NVL: variants seen among roughly 807,000 people sequenced by gnomAD.
NVL encodes the protein nuclear VCP like, also known as nuclear valosin-containing protein-like.
A neutral mutation model predicts 110.2 loss-of-function variants in NVL; 84 were observed. The ratio of observed to expected loss-of-function variants is 0.76; its 90% CI spans 0.64 to 0.91. The LOEUF (loss-of-function observed/expected upper bound fraction) is 0.91, where lower values mean the gene tolerates loss of function less well. NVL is among the 40% of genes least tolerant of loss of function. The pLI is 0.00. For synonymous variants in NVL, 354 were observed against 361.1 expected, an observed-to-expected ratio of 0.98 and a Z score of 0.22; for missense variants, 882 against 1,035.9, an observed-to-expected ratio of 0.85 and a Z score of 2.04.
chr1:224,236,635 G>T, intron 19 of NVL, 53 bp from the exon 20 acceptor site: 1 of 1,429,470 alleles, frequency 7.0e-7, no homozygotes, highest in Non-Finnish European at 9.9e-7. Flanking sequence ...ACCATGCCGG[G>T]TGCGATGGCT....
At chr1:224,310,015 C>G (rs990260895) in intron 5 of NVL, among the ~76,000 whole-genome samples, 1 of 151,658 alleles carries the variant, frequency 6.6e-6, no homozygotes, top group African/African-American at 2.4e-5. Context: ...GGTGACAGAG[C>G]GAGACCCTGC....
chr1:224,303,888 C>T, intron 8 of NVL, 31 bp from the exon 9 acceptor site: 4 of 1,571,794 alleles, frequency 2.5e-6, no homozygotes, highest in Non-Finnish European at 2.6e-6. Flanking sequence ...AGATGTCTTT[C>T]AAGACAGAAC....
At chr1:224,313,329 A>G (rs932188469) in intron 4 of NVL, among the ~76,000 whole-genome samples, 1 of 152,002 alleles carries the variant, frequency 6.6e-6, no homozygotes, top group African/African-American at 2.4e-5. Flanking sequence ...AAAAATTCCA[A>G]GTGGATTAAA....
chr1:224,303,422 G>C (rs1436084953), intron 9 of NVL, among the ~76,000 whole-genome samples: 1 of 149,474 alleles, frequency 6.7e-6, no homozygotes, highest in East Asian at 2.0e-4. Flanking sequence ...GTGACAGAGT[G>C]AGACTCTGTC....
intron 16 of NVL, among the ~76,000 whole-genome samples, chr1:224,278,423 G>C (rs1052615100): frequency 6.6e-6 from 1 of 151,550 alleles, no homozygotes; most frequent in South Asian, 2.1e-4. Context: ...TTACAATGGG[G>C]TTTCACCACA....
At chr1:224,240,020 C>CGAGT (rs1164590470) in intron 19 of NVL, among the ~76,000 whole-genome samples, 1 of 150,954 alleles carries the variant, frequency 6.6e-6, no homozygotes, top group Non-Finnish European at 1.5e-5. Flanking sequence ...GCCTCAGCCC[C>CGAGT]GAGTAGCTGG....
Position 224,275,453 on chromosome 1 carries a change from A to G in NVL, c.1968T>C (p.Val656=). ...GTCGCACAGCACGTTCACTCTCACC[A>G]ACATACTAAACATACACAGAAAGGA... ...VKGPELLNMY[V]GESERAVRQV... is the part of the protein sequence containing the mutation. Residue 656 remains valine, a synonymous_variant, in exon 17 of 23, where the codon GTT becomes GTC. Transcript: ENST00000281701. 2 of 1,614,154 alleles carry G rather than the reference A, an allele frequency of 1.2e-6. No homozygotes were observed. The highest frequency in any genetic ancestry group is 1.1e-5 in the South Asian group (1 of 91,084).
intron 19 of NVL, among the ~76,000 whole-genome samples, chr1:224,244,668 C>T (rs886726705): frequency 2.8e-5 from 4 of 143,388 alleles, no homozygotes; most frequent in Non-Finnish European, 4.5e-5. Context: ...GATGGGGTTT[C>T]GCCATGTTGG....
intron 15 of NVL, among the ~76,000 whole-genome samples, chr1:224,282,355 T>A (rs1431489828): frequency 6.6e-6 from 1 of 152,202 alleles, no homozygotes; most frequent in Non-Finnish European, 1.5e-5. Flanking sequence ...TATGTGAACA[T>A]TTGTTTACAT....
intron 18 of NVL, among the ~76,000 whole-genome samples, chr1:224,255,458 C>G (rs1663109689): frequency 6.6e-6 from 1 of 152,126 alleles, no homozygotes; most frequent in Non-Finnish European, 1.5e-5. Flanking sequence ...TCCCAAAGTG[C>G]TGGGATTACA....
At chr1:224,287,699 G>T in intron 14 of NVL, 76 bp downstream of exon 14, 1 of 1,236,302 alleles carries the variant, frequency 8.1e-7, no homozygotes. Context: ...ACAGAACCTA[G>T]TACACATGCA....
Position 224,248,387 on chromosome 1 carries a change from T to C in NVL, c.2289+1825A>G, listed in dbSNP as rs539226916. 3.3e-5 allele frequency among the ~76,000 whole-genome samples: 5 copies of C among 152,336 alleles called. No individual in the cohort carries two copies. The East Asian group carries it at 9.7e-4, about 29-fold the overall frequency. ...ATGCTTAATTTCATAACTTTTACTT[T>C]ACTGGCTTCCAAGCTATTTTCCATA... is the stretch of plus-strand genomic sequence containing the variant. On this transcript the variant is annotated intron_variant, in intron 19 of 22. Coordinates refer to ENST00000281701, the MANE Select transcript of NVL (RefSeq NM_002533.4).
intron 1 of NVL, 125 bp downstream of exon 1, chr1:224,329,946 C>T: frequency 1.1e-6 from 1 of 942,060 alleles, no homozygotes; most frequent in Non-Finnish European, 1.7e-6. Context: ...AGACGCACGC[C>T]CAGACCCAGA....
chr1:224,311,032 C>A (rs1669466978), intron 5 of NVL, among the ~76,000 whole-genome samples: 1 of 151,808 alleles, frequency 6.6e-6, no homozygotes, highest in South Asian at 2.1e-4. Context: ...AACCCCTGGC[C>A]TTTTATTCTA....
chr1:224,315,954 G>C (rs1197349050), intron 4 of NVL, among the ~76,000 whole-genome samples: 1 of 152,138 alleles, frequency 6.6e-6, no homozygotes. Context: ...CAGCATTCTG[G>C]GAGTCCGAGG....
chr1:224,281,339 C>T (rs1666304023), intron 15 of NVL, among the ~76,000 whole-genome samples, 154 bp from the exon 16 acceptor site: 1 of 151,432 alleles, frequency 6.6e-6, no homozygotes, highest in African/African-American at 2.4e-5. Context: ...CTTGCTCTGT[C>T]GCCCAGGATG....
intron 21 of NVL, among the ~76,000 whole-genome samples, chr1:224,231,831 C>T (rs35584106): frequency 0.4 from 60,740 of 150,540 alleles, 13,726 homozygotes; most frequent in South Asian, 0.53. Flanking sequence ...TCGAGACCAG[C>T]CTGACCAATA....
intron 11 of NVL, among the ~76,000 whole-genome samples, chr1:224,296,166 A>C (rs1421419975): frequency 4.6e-5 from 7 of 152,054 alleles, no homozygotes; most frequent in Non-Finnish European, 8.8e-5. Flanking sequence ...TCAGAAGAAG[A>C]AGCAACCTAC....
intron 20 of NVL, among the ~76,000 whole-genome samples, chr1:224,233,875 G>A (rs947931517): frequency 4.6e-5 from 7 of 152,112 alleles, no homozygotes; most frequent in African/African-American, 1.2e-4. Context: ...ATTACATAAT[G>A]TCTAAAGTAA....
Sources: allele counts gnomAD v4.1 joint callset (sites outside exome capture counted in the v4.1 genomes callset), GRCh38; gene constraint gnomAD v4.1.1; transcripts MANE v1.5; gene names NCBI Gene and HGNC (gene_info 2026-07-23, HGNC 2026-07-21).